Variants in CSMD1 observed in about 807,000 individuals in gnomAD.
CSMD1 encodes the protein CUB and sushi domain-containing protein 1.
CSMD1 carries 213 observed loss-of-function variants against 417.5 expected under a neutral mutation model. The ratio of observed to expected loss-of-function variants is 0.51; its 90% CI spans 0.46 to 0.57. The LOEUF is 0.57. CSMD1 is among the 20% of genes least tolerant of loss of function. The probability of loss-of-function intolerance (pLI) is 0.00; values close to 1 mark genes in which losing one functional copy is unlikely to be tolerated. For missense variants in CSMD1, 6,923 were observed against 4,529.7 expected, an observed-to-expected ratio of 1.53 and a Z score of -15.17; for synonymous variants, 2,862 against 1,736.8, an observed-to-expected ratio of 1.65 and a Z score of -16.11.
chr8:4,507,774 G>C (rs925102370), intron 2 of CSMD1, among the ~76,000 whole-genome samples: 4 of 152,210 alleles, frequency 2.6e-5, no homozygotes, highest in Non-Finnish European at 4.4e-5. Flanking sequence ...TTGTCTATAA[G>C]AGTTGTAATG....
chr8:3,818,605 G>A (rs1248687629), intron 5 of CSMD1, among the ~76,000 whole-genome samples: 1 of 151,870 alleles, frequency 6.6e-6, no homozygotes, highest in Non-Finnish European at 1.5e-5. Context: ...GCTAGAAAAG[G>A]GAGAAACAGG....
intron 2 of CSMD1, among the ~76,000 whole-genome samples, chr8:4,464,674 T>C (rs572377157): frequency 6.6e-6 from 1 of 152,210 alleles, no homozygotes; most frequent in East Asian, 1.9e-4. Context: ...CTGTAGTCAA[T>C]CCTGTAATAT....
intron 42 of CSMD1, among the ~76,000 whole-genome samples, chr8:3,111,538 A>C (rs979824865): frequency 3.3e-5 from 5 of 151,996 alleles, no homozygotes; most frequent in African/African-American, 1.2e-4. Context: ...TCATCTCTAA[A>C]ATGGGACCAT....
chr8:4,327,772 A>C (rs78801581), intron 3 of CSMD1, among the ~76,000 whole-genome samples: 9 of 152,204 alleles, frequency 5.9e-5, no homozygotes, highest in Admixed American at 1.3e-4. Context: ...TTTTTATTTA[A>C]TCATAAAACC....
chr8:3,668,411 C>G (rs756687751), intron 7 of CSMD1, among the ~76,000 whole-genome samples: 1 of 152,056 alleles, frequency 6.6e-6, no homozygotes, highest in Non-Finnish European at 1.5e-5. Context: ...TAAGATAACT[C>G]AGGTAGCTAC....
At chr8:4,028,250 T>C (rs929604852) in intron 4 of CSMD1, among the ~76,000 whole-genome samples, 3 of 152,138 alleles carry the variant, frequency 2.0e-5, no homozygotes, top group Non-Finnish European at 4.4e-5. Context: ...AAATCTAACA[T>C]CTATTAGCAC....
intron 3 of CSMD1, among the ~76,000 whole-genome samples, chr8:4,349,596 G>T (rs1800969542): frequency 6.6e-6 from 1 of 152,040 alleles, no homozygotes; most frequent in Admixed American, 6.6e-5. Flanking sequence ...CAACCAAATT[G>T]TCTTAGAAAG....
At chr8:4,418,062 G>C (rs994626069) in intron 3 of CSMD1, among the ~76,000 whole-genome samples, 8 of 151,946 alleles carry the variant, frequency 5.3e-5, no homozygotes, top group African/African-American at 1.2e-4. Flanking sequence ...CTGATAAATA[G>C]ATTTAAACAC....
chr8:4,736,873 T>C (rs1217520463), intron 1 of CSMD1, among the ~76,000 whole-genome samples: 1 of 152,152 alleles, frequency 6.6e-6, no homozygotes, highest in Non-Finnish European at 1.5e-5. Context: ...AGAGCTGGTA[T>C]GTAAGCGTTC....
chr8:2,991,920 C>T (rs597862), intron 54 of CSMD1, among the ~76,000 whole-genome samples: 27,708 of 151,976 alleles, frequency 0.18, 5,138 homozygotes, highest in African/African-American at 0.48. Flanking sequence ...GACTACACAG[C>T]GAAAACCTGA....
In CSMD1 at chr8:4,739,517, C is replaced by T. The variant is rs529387960; in HGVS notation, c.86-101959G>A. Among the ~76,000 whole-genome samples the T allele has an allele frequency of 7.2e-4, 110 of 152,264 alleles. 1 individual carries two copies. Among genetic ancestry groups the T allele is most frequent in the African/African-American group, 2.6e-3 (108 of 41,554 alleles). The stretch of plus-strand genomic sequence containing the variant: ...GTAACAAAACTTTTCTGTGCTGTGA[C>T]TCAATGATAATAACTTAAAGAAAAT... On this transcript the variant is annotated intron_variant, in intron 1 of 69. Coordinates refer to ENST00000635120, the MANE Select transcript of CSMD1 (RefSeq NM_033225.6).
intron 5 of CSMD1, among the ~76,000 whole-genome samples, chr8:3,798,849 C>T (rs565485952): frequency 6.6e-6 from 1 of 151,966 alleles, no homozygotes; most frequent in Admixed American, 6.6e-5. Context: ...TATTTTCCTA[C>T]TCTTTCCTAT....
intron 9 of CSMD1, among the ~76,000 whole-genome samples, chr8:3,582,489 G>A (rs1431952923): frequency 6.6e-6 from 1 of 152,088 alleles, no homozygotes; most frequent in East Asian, 1.9e-4. Context: ...AACTCACTGG[G>A]CTCATTTCTC....
chr8:3,434,464 T>A (rs1464692868), intron 12 of CSMD1, among the ~76,000 whole-genome samples: 1 of 152,224 alleles, frequency 6.6e-6, no homozygotes, highest in Non-Finnish European at 1.5e-5. Context: ...GAAAATAGTA[T>A]CCCTGACAGT....
At chr8:3,791,637 A>C (rs561368738) in intron 5 of CSMD1, among the ~76,000 whole-genome samples, 1 of 152,324 alleles carries the variant, frequency 6.6e-6, no homozygotes, top group South Asian at 2.1e-4. Flanking sequence ...CAGCCTGGTC[A>C]GCATGGCAAA....
At position 4,673,437 on chromosome 8, in the gene CSMD1, G is replaced by A. The variant is rs144910916; in HGVS notation, c.86-35879C>T. ...CCTTTCCAACCTAGGGCCCAGAGGTGTTGAGGCACACTTGATATCATTGGC... is the reference window on the plus strand; with the variant it reads ...CCTTTCCAACCTAGGGCCCAGAGGTATTGAGGCACACTTGATATCATTGGC... On this transcript the variant is annotated intron_variant, in intron 1 of 69. Transcript: ENST00000635120. Among the ~76,000 whole-genome samples the A allele has an allele frequency of 4.1e-3, 631 of 152,232 alleles. 4 individuals carry two copies. The highest frequency in any genetic ancestry group is 6.4e-3 in the Non-Finnish European group (438 of 68,018).
chr8:3,246,055 C>G (rs1182622109), intron 26 of CSMD1, among the ~76,000 whole-genome samples: 4 of 152,158 alleles, frequency 2.6e-5, no homozygotes, highest in African/African-American at 7.2e-5. Flanking sequence ...TCCTTCTTGT[C>G]TACCCCCAGT....
In CSMD1 at chr8:3,770,357, C is replaced by T. The variant is rs752067248; in HGVS notation, c.819-16315G>A. ...CAGCCTGTCCTATGTGGTGAAACCC[C>T]GTCTCTACTAAAAATACAAAAATTA... On this transcript the variant is annotated intron_variant, in intron 5 of 69. Transcript: ENST00000635120. Among the ~76,000 whole-genome samples the T allele has an allele frequency of 5.3e-5, 8 of 152,150 alleles. No individual in the cohort carries two copies. In the East Asian group the frequency reaches 7.8e-4, roughly 15 times the overall value.
intron 1 of CSMD1, among the ~76,000 whole-genome samples, chr8:4,736,402 A>G (rs1810236773): frequency 6.6e-6 from 1 of 152,090 alleles, no homozygotes; most frequent in Non-Finnish European, 1.5e-5. Flanking sequence ...AGAGAGAGCA[A>G]TGATTTAGAA....
Sources: allele counts gnomAD v4.1 joint callset (sites outside exome capture counted in the v4.1 genomes callset), GRCh38; gene constraint gnomAD v4.1.1; transcripts MANE v1.5; gene names NCBI Gene and HGNC (gene_info 2026-07-23, HGNC 2026-07-21).